The following ROBO2 variants were observed in gnomAD, a reference collection of about 807,000 sequenced individuals.
The protein encoded by ROBO2 is roundabout homolog 2.
In ROBO2, 53 loss-of-function variants were observed where a neutral mutation model predicts 160.8. The ratio of observed to expected loss-of-function variants is 0.33; its 90% CI spans 0.26 to 0.41. The LOEUF (loss-of-function observed/expected upper bound fraction) is 0.41. ROBO2 is among the 10% of genes least tolerant of loss of function. The pLI is 1.00. For synonymous variants in ROBO2, 664 were observed against 611.7 expected, an observed-to-expected ratio of 1.09 and a Z score of -1.26; for missense variants, 1,577 against 1,722.4, an observed-to-expected ratio of 0.92 and a Z score of 1.49.
At chr3:76,441,567 A>G (rs1271131956) in intron 2 of ROBO2, among the ~76,000 whole-genome samples, 1 of 152,192 alleles carries the variant, frequency 6.6e-6, no homozygotes, top group Non-Finnish European at 1.5e-5. Flanking sequence ...GGCTTAGTTC[A>G]GTACAGAGCT....
At chr3:77,603,020 C>G (rs1458362955) in intron 20 of ROBO2, 1 of 456,604 alleles carries the variant, frequency 2.2e-6, no homozygotes. Context: ...TCAGCACCAC[C>G]AGCTCTCACA....
At chr3:76,351,857 G>C (rs1353386006) in intron 2 of ROBO2, among the ~76,000 whole-genome samples, 1 of 151,868 alleles carries the variant, frequency 6.6e-6, no homozygotes, top group African/African-American at 2.4e-5. Context: ...ATAAAAGAGG[G>C]ATATGCTAGC....
intron 2 of ROBO2, among the ~76,000 whole-genome samples, chr3:77,229,324 A>G (rs900369879): frequency 3.9e-5 from 6 of 152,102 alleles, no homozygotes; most frequent in African/African-American, 1.4e-4. Context: ...AGTGTACTAT[A>G]ATGCTAATAT....
At chr3:76,825,264 A>G (rs1284742002) in intron 2 of ROBO2, among the ~76,000 whole-genome samples, 2 of 152,202 alleles carry the variant, frequency 1.3e-5, no homozygotes, top group African/African-American at 4.8e-5. Flanking sequence ...TTTGAGCCTG[A>G]AAGGCAATAA....
At chr3:76,018,536 T>C (rs1325544759) in intron 2 of ROBO2, among the ~76,000 whole-genome samples, 1 of 151,960 alleles carries the variant, frequency 6.6e-6, no homozygotes, top group Non-Finnish European at 1.5e-5. Context: ...TGAATTTATC[T>C]GTTTTCAGAC....
chr3:76,776,019 T>G (rs1162349517), intron 2 of ROBO2, among the ~76,000 whole-genome samples: 1 of 150,888 alleles, frequency 6.6e-6, no homozygotes, highest in African/African-American at 2.4e-5. Context: ...TTGACCTCAG[T>G]TTCTGTATCA....
chr3:77,431,319 G>T (rs1396695487), intron 2 of ROBO2, among the ~76,000 whole-genome samples: 8 of 152,166 alleles, frequency 5.3e-5, no homozygotes, highest in African/African-American at 1.7e-4. Flanking sequence ...TGATAAAGGG[G>T]TTATGATCAT....
In ROBO2 at chr3:77,428,337, A is replaced by ATTTTTT. The variant is rs1491236295; in HGVS notation, c.389-49076_389-49075insTTTTTT. 3.8e-3 allele frequency among the ~76,000 whole-genome samples: 491 copies of ATTTTTT among 128,064 alleles called. 11 individuals are homozygous for ATTTTTT. The highest frequency in any genetic ancestry group is 7.2e-3 in the South Asian group (28 of 3,874). The allele number at this position is 128,064 out of a possible 152,430, so 84.0% of individuals were successfully genotyped here. On this transcript the variant is annotated intron_variant, in intron 2 of 25. Transcript: ENST00000461745. ...AGGCATTCACAGCAAAACTTAGGTA[A>ATTTTTT]TATTTTTTTTTTTTTTTTTTTTTTT...
At chr3:76,904,865 T>G (rs757308477) in intron 2 of ROBO2, among the ~76,000 whole-genome samples, 4 of 152,228 alleles carry the variant, frequency 2.6e-5, no homozygotes, top group Non-Finnish European at 5.9e-5. Flanking sequence ...ATGTTTCTCT[T>G]GCCCATGACT....
rs1017399864 is a variant in ROBO2, at chr3:76,313,657, C to T, written c.109+376055C>T. ...ATCAATACCAGCTCAAGCTTACCTGCGTACAAAACAATCTTTAAAACAGAT... is the reference window on the plus strand; with the variant it reads ...ATCAATACCAGCTCAAGCTTACCTGTGTACAAAACAATCTTTAAAACAGAT... On this transcript the variant is annotated intron_variant, in intron 2 of 26. Transcript: ENST00000487694. 4.6e-5 allele frequency among the ~76,000 whole-genome samples: 7 copies of T among 152,196 alleles called. 2 individuals are homozygous for T. The highest frequency in any genetic ancestry group is 1.7e-4 in the African/African-American group (7 of 41,518).
At chr3:76,472,065 G>A (rs1201080327) in intron 2 of ROBO2, among the ~76,000 whole-genome samples, 1 of 57,400 alleles carries the variant, frequency 1.7e-5, no homozygotes, top group Non-Finnish European at 3.1e-5. Context: ...CTGATAAAAT[G>A]TGTGTGTGTG....
intron 2 of ROBO2, among the ~76,000 whole-genome samples, chr3:76,825,627 A>G (rs2066513409): frequency 7.4e-6 from 1 of 135,640 alleles, no homozygotes; most frequent in Non-Finnish European, 1.7e-5. Context: ...AAAAAAAAAA[A>G]AAAAATGAAG....
At chr3:77,131,695 A>G (rs938915933) in intron 2 of ROBO2, among the ~76,000 whole-genome samples, 1 of 152,166 alleles carries the variant, frequency 6.6e-6, no homozygotes, top group Non-Finnish European at 1.5e-5. Flanking sequence ...AAAAAAACCT[A>G]TACCACATAT....
At chr3:76,753,181 AAGG>A (rs1331200903) in intron 2 of ROBO2, among the ~76,000 whole-genome samples, 2 of 151,908 alleles carry the variant, frequency 1.3e-5, no homozygotes, top group Admixed American at 6.6e-5. Flanking sequence ...CATGTCAGAA[AAGG>A]AGAAGAAAAT....
At chr3:75,930,715 G>A (rs893014856) in intron 1 of ROBO2, among the ~76,000 whole-genome samples, 2 of 152,134 alleles carry the variant, frequency 1.3e-5, no homozygotes, top group Non-Finnish European at 2.9e-5. Context: ...TGCCAGCCAT[G>A]CTAGATGCTT....
At chr3:77,365,946 A>C (rs2070800141) in intron 2 of ROBO2, among the ~76,000 whole-genome samples, 1 of 152,170 alleles carries the variant, frequency 6.6e-6, no homozygotes, top group Admixed American at 6.6e-5. Context: ...AGGACTAGAA[A>C]AATTATTTTG....
chr3:76,400,536 A>T (rs1342646224), intron 2 of ROBO2, among the ~76,000 whole-genome samples: 1 of 151,558 alleles, frequency 6.6e-6, no homozygotes, highest in Non-Finnish European at 1.5e-5. Flanking sequence ...ATACAGGACA[A>T]ATTGCTTTAA....
At chr3:76,459,410 T>C (rs1235895255) in intron 2 of ROBO2, among the ~76,000 whole-genome samples, 1 of 152,154 alleles carries the variant, frequency 6.6e-6, no homozygotes, top group African/African-American at 2.4e-5. Flanking sequence ...TGCAAATCTA[T>C]GTTTCTTTCT....
chr3:76,708,814 T>G (rs1466214403), intron 2 of ROBO2, among the ~76,000 whole-genome samples: 1 of 152,158 alleles, frequency 6.6e-6, no homozygotes, highest in Admixed American at 6.6e-5. Context: ...ATTTAGAGTT[T>G]CAGTGCCAGA....
Sources: gnomAD v4.1 joint callset for allele counts (sites outside exome capture counted in the v4.1 genomes callset) on GRCh38, gnomAD v4.1.1 for gene constraint, MANE v1.5 for transcripts, NCBI Gene and HGNC (gene_info 2026-07-23, HGNC 2026-07-21) for gene names.